The following CLASP1 variants were observed in gnomAD, a reference collection of about 807,000 sequenced individuals.
The protein encoded by CLASP1 is CLIP-associating protein 1.
CLASP1 carries 38 observed loss-of-function variants against 192.3 expected under a neutral mutation model. That is an observed-to-expected ratio of 0.20 (90% CI 0.15 to 0.26). CLASP1 has a LOEUF of 0.26. Among genes scored for constraint, CLASP1 ranks in the 10% least tolerant of loss-of-function variants. The pLI, the probability that CLASP1 is intolerant of heterozygous loss-of-function variation, is 1.00. For synonymous variants in CLASP1, 691 were observed against 712.8 expected (o/e 0.97, Z 0.49); for missense variants, 1,433 against 1,932.5 (o/e 0.74, Z 4.85).
chr2:121,355,859 T>C (rs2065286489), intron 37 of CLASP1, among the ~76,000 whole-genome samples: 1 of 152,244 alleles, frequency 6.6e-6, no homozygotes, highest in South Asian at 2.1e-4. Flanking sequence ...TGGGTTATAA[T>C]CTGCCTTGAA....
intron 23 of CLASP1, among the ~76,000 whole-genome samples, chr2:121,411,381 C>T (rs2077683925): frequency 6.6e-6 from 1 of 152,150 alleles, no homozygotes. Flanking sequence ...GTGGTAAAAG[C>T]TTAAAATTTG....
At chr2:121,465,195 A>G (rs1337203375) in intron 9 of CLASP1, among the ~76,000 whole-genome samples, 2 of 152,094 alleles carry the variant, frequency 1.3e-5, no homozygotes, top group Non-Finnish European at 2.9e-5. Flanking sequence ...GAAGGAAATA[A>G]AGGGTATTCA....
chr2:121,491,942 CTTA>C (rs2093328576), intron 8 of CLASP1, among the ~76,000 whole-genome samples: 1 of 152,146 alleles, frequency 6.6e-6, no homozygotes, highest in African/African-American at 2.4e-5. Flanking sequence ...TTGATAAATC[CTTA>C]TTATTTCTTA....
intron 5 of CLASP1, among the ~76,000 whole-genome samples, chr2:121,527,293 A>C (rs530117699): frequency 6.6e-6 from 1 of 152,260 alleles, no homozygotes; most frequent in East Asian, 1.9e-4. Flanking sequence ...ATACCAAGGA[A>C]TTCTATTTAG....
chr2:121,588,281 G>C (rs1458984237), intron 2 of CLASP1, among the ~76,000 whole-genome samples: 1 of 151,130 alleles, frequency 6.6e-6, no homozygotes, highest in Admixed American at 6.6e-5. Flanking sequence ...TGTGGTAAGT[G>C]TATGTCTGAA....
At chr2:121,542,012 T>C (rs2095244560) in intron 2 of CLASP1, among the ~76,000 whole-genome samples, 1 of 152,194 alleles carries the variant, frequency 6.6e-6, no homozygotes, top group Non-Finnish European at 1.5e-5. Flanking sequence ...CCCCTGTTAC[T>C]GTTTTGGTGA....
At chr2:121,530,886 C>G (rs764712132) in intron 2 of CLASP1, 1 of 692,914 alleles carries the variant, frequency 1.4e-6, no homozygotes, top group Non-Finnish European at 2.6e-6. Flanking sequence ...TTATAACCAT[C>G]CTTTTCTTGG....
At chr2:121,496,569 A>G (rs1461437909) in intron 8 of CLASP1, among the ~76,000 whole-genome samples, 2 of 131,008 alleles carry the variant, frequency 1.5e-5, no homozygotes, top group Non-Finnish European at 3.1e-5. Flanking sequence ...ACTGAGAGAC[A>G]TAGAAGAAAA....
intron 1 of CLASP1, among the ~76,000 whole-genome samples, chr2:121,632,901 A>G (rs1259163733): frequency 6.6e-6 from 1 of 151,548 alleles, no homozygotes; most frequent in Non-Finnish European, 1.5e-5. Flanking sequence ...CATCTCAGAA[A>G]AAAAAAAAAG....
chr2:121,582,456 GAA>G (rs1471062292), intron 2 of CLASP1, among the ~76,000 whole-genome samples: 2 of 149,556 alleles, frequency 1.3e-5, no homozygotes, highest in Non-Finnish European at 3.0e-5. Context: ...GGAAGAGAGA[GAA>G]AGAAAGATAC....
At position 121,428,603 on chromosome 2, in the gene CLASP1, T is replaced by C. The variant is rs1189337229; in HGVS notation, c.2018-1173A>G. On this transcript the variant is annotated intron_variant, in intron 20 of 39. Transcript: ENST00000263710. ...ACACTTCTGGGCTACACCTGCACCC[T>C]GGATCTGAATGAAAATCCAGTTTAA... Among the ~76,000 whole-genome samples the C allele has an allele frequency of 2.0e-5, 3 of 152,180 alleles. No homozygotes were observed. In the East Asian group the frequency reaches 5.8e-4, roughly 29 times the overall value.
intron 2 of CLASP1, among the ~76,000 whole-genome samples, chr2:121,591,078 G>A (rs965896197): frequency 6.6e-6 from 1 of 152,058 alleles, no homozygotes; most frequent in Non-Finnish European, 1.5e-5. Flanking sequence ...ATGTTGGCCA[G>A]GGTGGTCTCC....
chr2:121,347,846 T>C (rs76992636), intron 38 of CLASP1, among the ~76,000 whole-genome samples: 2,304 of 152,280 alleles, frequency 0.015, 56 homozygotes, highest in African/African-American at 0.052. Context: ...ACAGCAGCAT[T>C]GATTAAATGT....
At chr2:121,616,940 A>G (rs995653432) in intron 1 of CLASP1, among the ~76,000 whole-genome samples, 3 of 152,220 alleles carry the variant, frequency 2.0e-5, no homozygotes, top group African/African-American at 7.2e-5. Flanking sequence ...AGAGACAAAC[A>G]CAGTCAAAAT....
intron 19 of CLASP1, among the ~76,000 whole-genome samples, chr2:121,441,283 C>T (rs1158250119): frequency 2.6e-5 from 4 of 152,170 alleles, no homozygotes; most frequent in Non-Finnish European, 5.9e-5. Context: ...CACACTGGGA[C>T]GTTTTGGCAT....
At chr2:121,403,710 G>A (rs945767926) in intron 26 of CLASP1, 12 of 458,672 alleles carry the variant, frequency 2.6e-5, no homozygotes, top group East Asian at 6.8e-5. Flanking sequence ...CCTGTCTCAC[G>A]TCTTTTCCAC....
chr2:121,470,030 T>A lies in CLASP1; in HGVS notation c.713-70A>T, dbSNP rs2090394116. 7 of 1,198,134 alleles carry A rather than the reference T, an allele frequency of 5.8e-6. No individual in the cohort carries two copies. In the South Asian group the frequency reaches 7.3e-5, roughly 12 times the overall value. 74.2% of individuals were successfully genotyped at this position (1,198,134 alleles called of 1,614,324 possible). On this transcript the variant is annotated intron_variant, in intron 8 of 39. Coordinates refer to ENST00000263710, the Ensembl canonical transcript of CLASP1. ...CTATATATACATATATATATACTTT[T>A]TCACCTGATTATAAAACAATTAGTC...
chr2:121,520,650 C>T (rs2094436397), intron 6 of CLASP1, among the ~76,000 whole-genome samples: 1 of 152,228 alleles, frequency 6.6e-6, no homozygotes, highest in South Asian at 2.1e-4. Context: ...TGGATGCAAC[C>T]CTCTGCCAGC....
intron 2 of CLASP1, among the ~76,000 whole-genome samples, chr2:121,536,377 T>TAAAAAA (rs1559552495): frequency 1.6e-4 from 10 of 62,072 alleles, no homozygotes; most frequent in Middle Eastern, 0.016. Context: ...CAAGACTGTC[T>TAAAAAA]GAAAAAAAAA....
Sources: allele counts gnomAD v4.1 joint callset (sites outside exome capture counted in the v4.1 genomes callset), GRCh38; gene constraint gnomAD v4.1.1; transcripts MANE v1.5; gene names NCBI Gene and HGNC (gene_info 2026-07-23, HGNC 2026-07-21).